FMNL2: variants seen among roughly 807,000 people sequenced by gnomAD.
FMNL2 encodes the protein formin-like protein 2.
A neutral mutation model predicts 130.2 loss-of-function variants in FMNL2; 51 were observed. That is an observed-to-expected ratio of 0.39 (90% confidence interval 0.31 to 0.49). The LOEUF is 0.49. Ranked by LOEUF, FMNL2 falls within the 20% of genes least tolerant of loss-of-function variation. The pLI, the probability that FMNL2 is intolerant of heterozygous loss-of-function variation, is 0.85. For missense variants in FMNL2, 977 were observed against 1,316.2 expected, an observed-to-expected ratio of 0.74 and a Z score of 3.99; for synonymous variants, 465 against 467.1, an observed-to-expected ratio of 1.00 and a Z score of 0.06.
intron 8 of FMNL2, 120 bp from the exon 9 acceptor site, chr2:152,580,836 T>TA: frequency 1.2e-6 from 1 of 859,744 alleles, no homozygotes; most frequent in Non-Finnish European, 1.8e-6. Context: ...TGTACCTTAG[T>TA]AAAATTTTTT....
chr2:152,464,335 C>T (rs1177738702), intron 1 of FMNL2, among the ~76,000 whole-genome samples: 1 of 152,152 alleles, frequency 6.6e-6, no homozygotes, highest in Non-Finnish European at 1.5e-5. Context: ...ATTCTTAACT[C>T]CTTTGGCTGG....
intron 10 of FMNL2, among the ~76,000 whole-genome samples, chr2:152,609,112 C>A (rs188352626): frequency 2.0e-5 from 3 of 152,326 alleles, no homozygotes; most frequent in African/African-American, 7.2e-5. Flanking sequence ...GCTGAAATTA[C>A]AATTATATAA....
At chr2:152,471,929 G>A (rs1340887384) in intron 1 of FMNL2, among the ~76,000 whole-genome samples, 1 of 152,096 alleles carries the variant, frequency 6.6e-6, no homozygotes, top group African/African-American at 2.4e-5. Flanking sequence ...TTTCAGTAGT[G>A]CGACTCCGGT....
At chr2:152,396,867 C>A (rs1685422548) in intron 1 of FMNL2, among the ~76,000 whole-genome samples, 2 of 152,122 alleles carry the variant, frequency 1.3e-5, no homozygotes, top group South Asian at 4.1e-4. Context: ...AACTTATGCC[C>A]CTGCTCTGCT....
At chr2:152,518,046 A>G (rs1692876018) in intron 1 of FMNL2, among the ~76,000 whole-genome samples, 1 of 152,246 alleles carries the variant, frequency 6.6e-6, no homozygotes, top group African/African-American at 2.4e-5. Flanking sequence ...GATAGAGCCA[A>G]TATTTTCCTC....
chr2:152,411,969 G>A (rs1022458226), intron 1 of FMNL2, among the ~76,000 whole-genome samples: 1 of 152,060 alleles, frequency 6.6e-6, no homozygotes, highest in African/African-American at 2.4e-5. Flanking sequence ...CCCCATTGTG[G>A]TATTCCCATA....
intron 15 of FMNL2, among the ~76,000 whole-genome samples, chr2:152,624,443 C>A (rs1470704844): frequency 1.3e-5 from 2 of 151,934 alleles, no homozygotes; most frequent in Non-Finnish European, 2.9e-5. Flanking sequence ...TGAGCCACCA[C>A]GCCCAGCAAT....
chr2:152,470,463 C>T (rs748067334), intron 1 of FMNL2, among the ~76,000 whole-genome samples: 54 of 152,162 alleles, frequency 3.5e-4, no homozygotes, highest in Non-Finnish European at 4.7e-4. Flanking sequence ...ACAACTAGGA[C>T]GTGGGAAAGT....
chr2:152,467,283 GT>G lies in FMNL2; in HGVS notation c.118-54658del, dbSNP rs577082411. On this transcript the variant is annotated intron_variant, in intron 1 of 25. Transcript: ENST00000288670. ...ACATATTCCTCTACGTGCTGAACCT[GT>G]TCAGTAATTCTTGTTGGATTGTCAT... 1.1e-4 allele frequency among the ~76,000 whole-genome samples: 16 copies of G among 152,224 alleles called. No individual in the cohort carries two copies. In the South Asian group the frequency reaches 2.1e-3, roughly 20 times the overall value.
chr2:152,621,465 G>C (rs1320969850), intron 15 of FMNL2, among the ~76,000 whole-genome samples: 1 of 152,090 alleles, frequency 6.6e-6, no homozygotes, highest in Non-Finnish European at 1.5e-5. Context: ...ATATTTTAAG[G>C]TGTAGAGCTC....
At chr2:152,349,755 T>A (rs572371682) in intron 1 of FMNL2, among the ~76,000 whole-genome samples, 1 of 152,308 alleles carries the variant, frequency 6.6e-6, no homozygotes, top group South Asian at 2.1e-4. Flanking sequence ...TTCTGAATTC[T>A]GAGTGTTCAG....
intron 1 of FMNL2, among the ~76,000 whole-genome samples, chr2:152,433,887 A>T (rs1190330734): frequency 6.6e-6 from 1 of 152,206 alleles, no homozygotes; most frequent in Non-Finnish European, 1.5e-5. Flanking sequence ...TGTAGTCTGG[A>T]GAAAATCTTT....
In FMNL2 at chr2:152,619,549, G is replaced by GCCCCCCCC; in HGVS notation, c.1670_1671insCCCCCCCC (p.Pro560ArgfsTer31). 1.4e-6 allele frequency: 2 copies of GCCCCCCCC among 1,395,014 alleles called. No homozygotes were observed. The highest frequency in any genetic ancestry group is 9.3e-7 in the Non-Finnish European group (1 of 1,075,858). The allele number at this position is 1,395,014 out of a possible 1,614,324, so 86.4% of individuals were successfully genotyped here. On this transcript the variant is annotated frameshift_variant, in exon 15 of 26. Coordinates refer to ENST00000288670, the MANE Select transcript of FMNL2 (RefSeq NM_052905.4). LOFTEE classifies it high-confidence loss of function. ...TAACACCACCTATGCCACCGCCGCCGCCGCCCCCTCCTCCACCTCCTCCTC... is the reference window on the plus strand; with the variant it reads ...TAACACCACCTATGCCACCGCCGCCGCCCCCCCCCCGCCCCCTCCTCCACCTCCTCCTC...
At chr2:152,481,841 G>A (rs1026368291) in intron 1 of FMNL2, among the ~76,000 whole-genome samples, 2 of 152,146 alleles carry the variant, frequency 1.3e-5, no homozygotes, top group African/African-American at 4.8e-5. Flanking sequence ...AAGGCTGATC[G>A]GGAAAATTAG....
intron 1 of FMNL2, among the ~76,000 whole-genome samples, chr2:152,377,841 T>C (rs1228487607): frequency 6.6e-6 from 1 of 152,178 alleles, no homozygotes; most frequent in African/African-American, 2.4e-5. Flanking sequence ...AACTTAAAGA[T>C]AAAAGATGGG....
chr2:152,474,457 T>G (rs6731738), intron 1 of FMNL2, among the ~76,000 whole-genome samples: 88,826 of 152,136 alleles, frequency 0.58, 28,714 homozygotes, highest in East Asian at 0.97. Flanking sequence ...GGCTGAGGCA[T>G]GTAGATCACC....
At chr2:152,563,843 A>G (rs1695661875) in intron 6 of FMNL2, among the ~76,000 whole-genome samples, 1 of 151,986 alleles carries the variant, frequency 6.6e-6, no homozygotes, top group South Asian at 2.1e-4. Flanking sequence ...TTTCAGTTCC[A>G]TTGCCACTAG....
At chr2:152,508,304 GT>G (rs1352516531) in intron 1 of FMNL2, among the ~76,000 whole-genome samples, 1 of 151,964 alleles carries the variant, frequency 6.6e-6, no homozygotes, top group African/African-American at 2.4e-5. Flanking sequence ...AGTTTCTCAA[GT>G]TGAAAATTAG....
intron 9 of FMNL2, among the ~76,000 whole-genome samples, chr2:152,581,947 C>T (rs776206507): frequency 7.9e-5 from 12 of 152,152 alleles, no homozygotes; most frequent in Non-Finnish European, 1.5e-4. Context: ...CTCCTCTTTC[C>T]TGAAAGGTTC....
Sources: allele counts gnomAD v4.1 joint callset (sites outside exome capture counted in the v4.1 genomes callset), GRCh38; gene constraint gnomAD v4.1.1; transcripts MANE v1.5; gene names NCBI Gene and HGNC (gene_info 2026-07-23, HGNC 2026-07-21).